Variants in ZNF408 observed in about 807,000 individuals in gnomAD.
ZNF408 encodes zinc finger protein 408, also known as PR domain zinc finger protein 17.
ZNF408 carries 24 observed loss-of-function variants against 27.6 expected under a neutral mutation model. That is an observed-to-expected ratio of 0.87 (90% CI 0.63 to 1.22). The LOEUF is 1.22. ZNF408 is among the 50% of genes most tolerant of loss of function. The pLI is 0.00. For missense variants in ZNF408, 897 were observed against 949.0 expected (o/e 0.95, Z 0.72); for synonymous variants, 410 against 396.1 (o/e 1.04, Z -0.42).
intron 4 of ZNF408, among the ~76,000 whole-genome samples, chr11:46,703,754 T>G (rs2064728161): frequency 3.8e-5 from 5 of 132,618 alleles, no homozygotes; most frequent in Non-Finnish European, 4.7e-5. Context: ...TTGTTGTTGT[T>G]GTTGTTGTTG....
Position 46,704,378 on chromosome 11 carries a change from C to T in ZNF408, c.678C>T (p.Gly226=). The T allele has an allele frequency of 6.2e-7, 1 of 1,601,238 alleles. No homozygotes were observed. Among genetic ancestry groups the T allele is most frequent in the East Asian group, 2.2e-5 (1 of 44,766 alleles). ...ATCCTGGTTCCCAGTCACCCTCTGG[C>T]ATCCAGGCAGAGAATATGGTGAGCC... ...CIDPGSQSPS[G]IQAENMVSPG... The change falls in exon 5 of 5, where the codon GGC becomes GGT. Residue 226 remains glycine (G), a synonymous_variant. Coordinates refer to ENST00000311764, the MANE Select transcript of ZNF408 (RefSeq NM_024741.3).
In ZNF408 at chr11:46,702,770, G is replaced by A; in HGVS notation, c.392+5G>A. The A allele has an allele frequency of 1.2e-6, 2 of 1,614,182 alleles. No individual in the cohort carries two copies. The highest frequency in any genetic ancestry group is 8.5e-7 in the Non-Finnish European group (1 of 1,179,980). On this transcript the variant is annotated splice_donor_5th_base_variant and intron_variant, in intron 3 of 4. Transcript: ENST00000311764. ...GCAGAGTTCTGGCTGGACTAGGTAA[G>A]TCAGAGGAGAGTGTGTCGTTCCTTT...
chr11:46,704,636 C>T lies in ZNF408; in HGVS notation c.936C>T (p.Pro312=), dbSNP rs1356908674. 1.2e-6 allele frequency: 2 copies of T among 1,613,862 alleles called. No homozygotes were observed. Residue 312 remains proline (P), a synonymous_variant, in exon 5 of 5, where the codon CCC becomes CCT. Coordinates refer to ENST00000311764, the MANE Select transcript of ZNF408 (RefSeq NM_024741.3). ...HGYLAKKLHS[P]SDQCPPRAKT... ...ACCTGGCCAAGAAGTTACACAGCCC[C>T]AGTGATCAGTGCCCACCCAGAGCAA...
chr11:46,705,094 C>T lies in ZNF408; in HGVS notation c.1394C>T (p.Pro465Leu), dbSNP rs2064741330. The T allele has an allele frequency of 1.2e-6, 2 of 1,612,386 alleles. No individual in the cohort carries two copies. Among genetic ancestry groups the T allele is most frequent in the Admixed American group, 1.7e-5 (1 of 60,020 alleles). The part of the protein sequence containing the change: ...HRKTHQVPAA[P>L]APCPCPVCGR... ...AAGACCCACCAGGTGCCAGCTGCCC[C>T]TGCCCCTTGCCCATGCCCTGTGTGT... Residue 465 changes from proline (P) to leucine (L), a missense_variant, in exon 5 of 5, where the codon CCT becomes CTT. By Grantham distance (98) the Pro-to-Leu change is moderately conservative. Transcript: ENST00000311764. This position sits in a 1 kb window ranked among gnomAD's most constrained non-coding sequence, Gnocchi z 6.5.
At position 46,704,758 on chromosome 11, in the gene ZNF408, A is replaced by G; in HGVS notation, c.1058A>G (p.Tyr353Cys). The G allele has an allele frequency of 1.9e-6, 3 of 1,595,928 alleles. No individual in the cohort carries two copies. The highest frequency in any genetic ancestry group is 2.6e-6 in the Non-Finnish European group (3 of 1,171,644). The stretch of plus-strand genomic sequence containing the variant: ...AGCTCCCCAAAGCAGGGGCGACGGT[A>G]CCGGTGTGGAGAGTGTGGCAAGGCA... ...AGSSPKQGRR[Y>C]RCGECGKAFL... The change falls in exon 5 of 5, where the codon TAC becomes TGC. Residue 353 changes from tyrosine (Y) to cysteine (C), a missense_variant. Tyr to Cys is a radical substitution (Grantham distance 194, BLOSUM62 -2). Coordinates refer to ENST00000311764, the MANE Select transcript of ZNF408 (RefSeq NM_024741.3).
Position 46,705,193 on chromosome 11 carries a change from G to A in ZNF408, c.1493G>A (p.Cys498Tyr). 1.2e-6 allele frequency: 2 copies of A among 1,611,620 alleles called. No homozygotes were observed. Among genetic ancestry groups the A allele is most frequent in the Non-Finnish European group, 1.7e-6 (2 of 1,179,908 alleles). ...CATACAGGAGAAAAGCCTTTCCTGT[G>A]CCCGCACTGTGGCCGGGCGTTTCGT... ...RLHTGEKPFLCPHCGRAFRQR... is the reference protein window; with the variant it reads ...RLHTGEKPFLYPHCGRAFRQR... Residue 498 changes from cysteine to tyrosine, a missense_variant, in exon 5 of 5, where the codon TGC becomes TAC. Coordinates refer to ENST00000311764, the MANE Select transcript of ZNF408 (RefSeq NM_024741.3). This position sits in a 1 kb window ranked among gnomAD's most constrained non-coding sequence, Gnocchi z 6.5.
At chr11:46,701,823 C>T in intron 2 of ZNF408, 147 bp downstream of exon 2, 1 of 1,025,230 alleles carries the variant, frequency 9.8e-7, no homozygotes, top group South Asian at 2.1e-5. Context: ...TGTCTCCTCT[C>T]AGCAGCAGTA....
At chr11:46,701,135 G>T (rs111794632) in intron 1 of ZNF408, 36 bp downstream of exon 1, 12 of 1,613,934 alleles carry the variant, frequency 7.4e-6, no homozygotes, top group Non-Finnish European at 1.0e-5. Flanking sequence ...CCTCAACCTT[G>T]GCCCAGGTGG....
At chr11:46,703,756 T>G in intron 4 of ZNF408, among the ~76,000 whole-genome samples, 3 of 131,672 alleles carry the variant, frequency 2.3e-5, no homozygotes, top group Non-Finnish European at 4.7e-5. Flanking sequence ...GTTGTTGTTG[T>G]TGTTGTTGTT....
Position 46,704,708 on chromosome 11 carries a change from G to T in ZNF408, c.1008G>T (p.Ser336=), listed in dbSNP as rs373715660. 6 of 1,608,532 alleles carry T rather than the reference G, an allele frequency of 3.7e-6. No individual in the cohort carries two copies. In the African/African-American group the frequency reaches 4.0e-5, roughly 11 times the overall value. The change falls in exon 5 of 5, where the codon TCG becomes TCT. Residue 336 remains serine (S), a synonymous_variant. Transcript: ENST00000311764. ...GAQQSGFPTL[S]RSPPGPAGSS... is the part of the protein sequence containing the mutation. ...AGCAGTCTGGCTTCCCTACACTCTC[G>T]CGGAGCCCTCCTGGCCCAGCAGGAA...
Position 46,705,276 on chromosome 11 carries a change from T to A in ZNF408, c.1576T>A (p.Cys526Ser). The change falls in exon 5 of 5, where the codon TGC becomes AGC. Residue 526 changes from cysteine to serine, a missense_variant. Transcript: ENST00000311764. The surrounding 1 kb of genome is among the most constrained non-coding windows in gnomAD (Gnocchi z 6.5). ...CCACACCGGGGAGCGTCCTTACCGC[T>A]GCCCACACTGTGCCGATGCCTTCCC... ...RLHTGERPYRCPHCADAFPQL... is the reference protein window; with the variant it reads ...RLHTGERPYRSPHCADAFPQL... 6.2e-7 allele frequency: 1 copy of A among 1,612,274 alleles called. No individual in the cohort carries two copies. The highest frequency in any genetic ancestry group is 8.5e-7 in the Non-Finnish European group (1 of 1,179,944).
chr11:46,702,766 G>A lies in ZNF408; in HGVS notation c.392+1G>A, dbSNP rs2134507228. On this transcript the variant is annotated splice_donor_variant, in intron 3 of 4. Coordinates refer to ENST00000311764, the MANE Select transcript of ZNF408 (RefSeq NM_024741.3). LOFTEE classifies it high-confidence loss of function. ...GTGAGCAGAGTTCTGGCTGGACTAG[G>A]TAAGTCAGAGGAGAGTGTGTCGTTC... is the stretch of plus-strand genomic sequence containing the variant. The A allele has an allele frequency of 6.2e-7, 1 of 1,614,196 alleles. No individual in the cohort carries two copies. Among genetic ancestry groups the A allele is most frequent in the South Asian group, 1.1e-5 (1 of 91,088 alleles).
At chr11:46,703,741 GTT>G (rs1185859204) in intron 4 of ZNF408, among the ~76,000 whole-genome samples, 10 of 122,350 alleles carry the variant, frequency 8.2e-5, no homozygotes, top group African/African-American at 1.7e-4. Context: ...GTTTTGTTTT[GTT>G]TTGTTGTTGT....
rs773162748 is a variant in ZNF408 at position 46,701,610 on chromosome 11, G to T, written c.264G>T (p.Trp88Cys). 7 of 1,609,274 alleles carry T rather than the reference G, an allele frequency of 4.3e-6. No homozygotes were observed. The Admixed American group carries it at 1.0e-4, about 23-fold the overall frequency. ...ACCCCCTGCAGCCCGGCCTGCTGTG[G>T]GGGCCGCTGGAAGAGGAGTCTGCCT... ...VGDPLQPGLL[W>C]GPLEEESASK... is the part of the protein sequence containing the mutation. Residue 88 changes from tryptophan (W) to cysteine (C), a missense_variant, in exon 2 of 5, where the codon TGG becomes TGT. Trp to Cys is a radical substitution (Grantham distance 215). Transcript: ENST00000311764.
At position 46,705,840 on chromosome 11, in the gene ZNF408, G is replaced by A. The variant is rs1410175417; in HGVS notation, c.2140G>A (p.Val714Met). 2 of 1,612,268 alleles carry A rather than the reference G, an allele frequency of 1.2e-6. No homozygotes were observed. Among genetic ancestry groups the A allele is most frequent in the Non-Finnish European group, 1.7e-6 (2 of 1,179,270 alleles). The stretch of plus-strand genomic sequence containing the variant: ...GGGCCTCGGCGCCTGGGCAGAGGTG[G>A]TGGAGGTGGAGATGGGCACCTGACA... The part of the protein sequence containing the change: ...DMGLGAWAEV[V>M]EVEMGT Residue 714 changes from valine (V) to methionine (M), a missense_variant, in exon 5 of 5, where the codon GTG (valine) becomes ATG (methionine). By Grantham distance (21) the Val-to-Met change is conservative. Transcript: ENST00000311764. The surrounding 1 kb of genome is among the most constrained non-coding windows in gnomAD (Gnocchi z 6.5).
rs371644247 is a variant in ZNF408 at position 46,703,758 on chromosome 11, G to GTTTTTT, written c.652+517_652+518insTTTTTT. On this transcript the variant is annotated intron_variant, in intron 4 of 4. Coordinates refer to ENST00000311764, the MANE Select transcript of ZNF408 (RefSeq NM_024741.3). ...TTTGTTTTGTTTTGTTGTTGTTGTT[G>GTTTTTT]TTGTTGTTGTTGTTTTTTTTTTTTT... is the stretch of plus-strand genomic sequence containing the variant. Among the ~76,000 whole-genome samples the GTTTTTT allele has an allele frequency of 2.0e-3, 191 of 94,114 alleles. 37 individuals are homozygous for GTTTTTT. Among genetic ancestry groups the GTTTTTT allele is most frequent in the East Asian group, 6.7e-3 (17 of 2,536 alleles). 61.7% of individuals were successfully genotyped at this position (94,114 alleles called of 152,430 possible).
rs1219556644 is a variant in ZNF408, at chr11:46,704,383, A to G, written c.683A>G (p.Gln228Arg). 6.2e-7 allele frequency: 1 copy of G among 1,605,402 alleles called. No individual in the cohort carries two copies. The highest frequency in any genetic ancestry group is 1.1e-5 in the South Asian group (1 of 89,984). The change falls in exon 5 of 5, where the codon CAG becomes CGG. Residue 228 changes from glutamine (Q) to arginine (R), a missense_variant. Physicochemically the swap from Gln to Arg is conservative, Grantham distance 43. Transcript: ENST00000311764. ...GGTTCCCAGTCACCCTCTGGCATCC[A>G]GGCAGAGAATATGGTGAGCCCTGGA... ...DPGSQSPSGIQAENMVSPGLK... is the reference protein window; with the variant it reads ...DPGSQSPSGIRAENMVSPGLK...
Position 46,701,490 on chromosome 11 carries a change from C to G in ZNF408, c.144C>G (p.Thr48=), listed in dbSNP as rs2064705040. 4 of 1,614,104 alleles carry G rather than the reference C, an allele frequency of 2.5e-6. No homozygotes were observed. Among genetic ancestry groups the G allele is most frequent in the Non-Finnish European group, 3.4e-6 (4 of 1,180,038 alleles). ...QGLKDVPPEP[T]RDILALKSLP... is the part of the protein sequence containing the mutation. ...TCAAAGACGTCCCACCCGAGCCGAC[C>G]CGAGACATCCTCGCTTTAAAGAGCC... The change falls in exon 2 of 5, where the codon ACC becomes ACG. Residue 48 remains threonine (T), a synonymous_variant. Coordinates refer to ENST00000311764, the MANE Select transcript of ZNF408 (RefSeq NM_024741.3).
Position 46,704,223 on chromosome 11 carries a change from A to G in ZNF408, c.653-130A>G, listed in dbSNP as rs531316482. 2,648 of 913,246 alleles carry G rather than the reference A, an allele frequency of 2.9e-3. 52 individuals are homozygous for G. The highest frequency in any genetic ancestry group is 0.028 in the South Asian group (1,556 of 56,306). 56.6% of individuals were successfully genotyped at this position (913,246 alleles called of 1,614,324 possible). ...GAGTGTGCACCCCATGCTCCAGGGA[A>G]GAGATTGGTATCATTGCTCCCTCTA... On this transcript the variant is annotated intron_variant, in intron 4 of 4. Transcript: ENST00000311764.
Sources: gnomAD v4.1 joint callset for allele counts (sites outside exome capture counted in the v4.1 genomes callset) on GRCh38, gnomAD v4.1.1 for gene constraint, Gnocchi (gnomAD v3.1) non-coding constraint, MANE v1.5 for transcripts, NCBI Gene and HGNC (gene_info 2026-07-23, HGNC 2026-07-21) for gene names.